SIX1: variants seen among roughly 807,000 people sequenced by gnomAD.
SIX1 encodes homeobox protein SIX1.
A neutral mutation model predicts 26.5 loss-of-function variants in SIX1; 11 were observed. That is an observed-to-expected ratio of 0.41 (90% CI 0.26 to 0.69). SIX1 has a LOEUF of 0.69. Among genes scored for constraint, SIX1 ranks in the 30% least tolerant of loss-of-function variants. The probability of loss-of-function intolerance (pLI) is 0.28; values close to 1 mark genes in which losing one functional copy is unlikely to be tolerated. For missense variants in SIX1, 333 were observed against 365.9 expected, an observed-to-expected ratio of 0.91 and a Z score of 0.73; for synonymous variants, 177 against 166.2, an observed-to-expected ratio of 1.06 and a Z score of -0.50.
rs1426774209 is a variant in SIX1 at position 60,648,142 on chromosome 14, CAA to C, written c.560+486_560+487del. Among the ~76,000 whole-genome samples, 2 of 152,336 alleles carry C rather than the reference CAA, an allele frequency of 1.3e-5. No individual in the cohort carries two copies. Among genetic ancestry groups the C allele is most frequent in the African/African-American group, 2.4e-5 (1 of 41,584 alleles). ...GGCTACCTCTAAACCAAAAGACTAT[CAA>C]GAGAGAGCTGTGGAGAACCAGGCGG... On this transcript the variant is annotated intron_variant, in intron 1 of 1. Transcript: ENST00000645694. The surrounding 1 kb of genome is among the most constrained non-coding windows in gnomAD (Gnocchi z 7.9).
chr14:60,645,141 T>G lies in SIX1; in HGVS notation c.*1142A>C, dbSNP rs1055876445. The G allele has an allele frequency of 1.3e-5, 2 of 151,964 alleles. No individual in the cohort carries two copies. Among genetic ancestry groups the G allele is most frequent in the Non-Finnish European group, 2.9e-5 (2 of 68,004 alleles). The allele number at this position is 151,964 out of a possible 1,614,324, so 9.4% of individuals were successfully genotyped here. ...ATCTAGTTACTACTCTTGGTTCAGA[T>G]GATGGCCTTCAAAGTACCCTGCAAT... On this transcript the variant is annotated 3_prime_UTR_variant, in exon 2 of 2. Coordinates refer to ENST00000645694, the MANE Select transcript of SIX1 (RefSeq NM_005982.4). The surrounding 1 kb of genome is among the most constrained non-coding windows in gnomAD (Gnocchi z 4.6).
In SIX1 at chr14:60,645,154, A is replaced by C. The variant is rs1428017819; in HGVS notation, c.*1129T>G. ...TCTTGGTTCAGATGATGGCCTTCAAAGTACCCTGCAATTCACAGCCACCAT... is the reference window on the plus strand; with the variant it reads ...TCTTGGTTCAGATGATGGCCTTCAACGTACCCTGCAATTCACAGCCACCAT... On this transcript the variant is annotated 3_prime_UTR_variant, in exon 2 of 2. Coordinates refer to ENST00000645694, the MANE Select transcript of SIX1 (RefSeq NM_005982.4). The surrounding 1 kb of genome is among the most constrained non-coding windows in gnomAD (Gnocchi z 4.6). 6.6e-6 allele frequency: 1 copy of C among 152,124 alleles called. No individual in the cohort carries two copies. Among genetic ancestry groups the C allele is most frequent in the Non-Finnish European group, 1.5e-5 (1 of 68,020 alleles). The allele number at this position is 152,124 out of a possible 1,614,324, so 9.4% of individuals were successfully genotyped here.
Position 60,648,608 on chromosome 14 carries a change from T to C in SIX1, c.560+22A>G, listed in dbSNP as rs1205986467. On this transcript the variant is annotated intron_variant, in intron 1 of 1. Coordinates refer to ENST00000645694, the MANE Select transcript of SIX1 (RefSeq NM_005982.4). The surrounding 1 kb of genome is among the most constrained non-coding windows in gnomAD (Gnocchi z 7.9). The stretch of plus-strand genomic sequence containing the variant: ...GGACGGCTTCCTAGGGTCGCCCGAG[T>C]CGCGGGAAGCACGCCGCGTACCTTT... 6.3e-7 allele frequency: 1 copy of C among 1,597,198 alleles called. No individual in the cohort carries two copies. Among genetic ancestry groups the C allele is most frequent in the Admixed American group, 1.7e-5 (1 of 57,356 alleles).
Position 60,648,530 on chromosome 14 carries a change from G to A in SIX1, c.560+100C>T. ...GCCCCGTGGACGGGCTCCGGCCGGC[G>A]GGGAGGACTTGGTGGCTGGTGCCTG... is the stretch of plus-strand genomic sequence containing the variant. On this transcript the variant is annotated intron_variant, in intron 1 of 1. Coordinates refer to ENST00000645694, the MANE Select transcript of SIX1 (RefSeq NM_005982.4). This position sits in a 1 kb window ranked among gnomAD's most constrained non-coding sequence, Gnocchi z 7.9. The A allele has an allele frequency of 8.1e-7, 1 of 1,237,664 alleles. No homozygotes were observed. The highest frequency in any genetic ancestry group is 1.1e-6 in the Non-Finnish European group (1 of 877,762). The allele number at this position is 1,237,664 out of a possible 1,614,324, so 76.7% of individuals were successfully genotyped here.
rs1220366295 is a variant in SIX1, at chr14:60,648,492, G to A, written c.560+138C>T. 8 of 759,078 alleles carry A rather than the reference G, an allele frequency of 1.1e-5. No homozygotes were observed. Among genetic ancestry groups the A allele is most frequent in the Admixed American group, 2.6e-5 (1 of 37,904 alleles). The allele number at this position is 759,078 out of a possible 1,614,324, so 47.0% of individuals were successfully genotyped here. On this transcript the variant is annotated intron_variant, in intron 1 of 1. Coordinates refer to ENST00000645694, the MANE Select transcript of SIX1 (RefSeq NM_005982.4). This position sits in a 1 kb window ranked among gnomAD's most constrained non-coding sequence, Gnocchi z 7.9. Reference sequence around the variant, plus strand: ...TGAACTTTCGCTGCAGCGCCGCGGAGGGCCTGCGCGCCGCCCCGTGGACGG... The same window carrying A: ...TGAACTTTCGCTGCAGCGCCGCGGAAGGCCTGCGCGCCGCCCCGTGGACGG...
Position 60,647,436 on chromosome 14 carries a change from G to T in SIX1, c.561-859C>A, listed in dbSNP as rs1894968085. Among the ~76,000 whole-genome samples the T allele has an allele frequency of 6.6e-6, 1 of 152,150 alleles. No individual in the cohort carries two copies. Among genetic ancestry groups the T allele is most frequent in the Non-Finnish European group, 1.5e-5 (1 of 68,012 alleles). ...GCGCGGCGCGCTGGGGCGTCAGTCC[G>T]GGCACTCGGTACCGGTTAACTTCAG... On this transcript the variant is annotated intron_variant, in intron 1 of 1. Coordinates refer to ENST00000645694, the MANE Select transcript of SIX1 (RefSeq NM_005982.4). This position sits in a 1 kb window ranked among gnomAD's most constrained non-coding sequence, Gnocchi z 5.1.
In SIX1 at chr14:60,648,244, C is replaced by T. The variant is rs1894986005; in HGVS notation, c.560+386G>A. Among the ~76,000 whole-genome samples, 1 of 152,140 alleles carries T rather than the reference C, an allele frequency of 6.6e-6. No homozygotes were observed. Among genetic ancestry groups the T allele is most frequent in the Non-Finnish European group, 1.5e-5 (1 of 68,028 alleles). The stretch of plus-strand genomic sequence containing the variant: ...CAAGAGGAGAGAGGTTCGCGAACCT[C>T]AGCTCCCACCAAACCCCTTTCCTTG... On this transcript the variant is annotated intron_variant, in intron 1 of 1. Coordinates refer to ENST00000645694, the MANE Select transcript of SIX1 (RefSeq NM_005982.4). The surrounding 1 kb of genome is among the most constrained non-coding windows in gnomAD (Gnocchi z 7.9).
rs997021988 is a variant in SIX1 at position 60,645,096 on chromosome 14, CTCTT to C, written c.*1183_*1186del. The C allele has an allele frequency of 2.0e-5, 3 of 152,112 alleles. No homozygotes were observed. Among genetic ancestry groups the C allele is most frequent in the South Asian group, 2.1e-4 (1 of 4,828 alleles). The allele number at this position is 152,112 out of a possible 1,614,324, so 9.4% of individuals were successfully genotyped here. A position where few individuals can be genotyped will look rare whatever the true frequency, so the allele number is the denominator to read the frequency against. On this transcript the variant is annotated 3_prime_UTR_variant, in exon 2 of 2. Transcript: ENST00000645694. The surrounding 1 kb of genome is among the most constrained non-coding windows in gnomAD (Gnocchi z 4.6). ...AATAAATACCCCAAGGCTAAATTCACTCTTTCTGTCATATAATTAATCTAGTTAC... is the reference window on the plus strand; with the variant it reads ...AATAAATACCCCAAGGCTAAATTCACTCTGTCATATAATTAATCTAGTTAC...
chr14:60,648,571 G>C lies in SIX1; in HGVS notation c.560+59C>G. 6.6e-7 allele frequency: 1 copy of C among 1,511,572 alleles called. No individual in the cohort carries two copies. The allele number at this position is 1,511,572 out of a possible 1,614,324, so 93.6% of individuals were successfully genotyped here. ...CTGGTGCCTGCGGGGGCGGGAGGGG[G>C]CGGAGGAGAAAGGACGGCTTCCTAG... On this transcript the variant is annotated intron_variant, in intron 1 of 1. Transcript: ENST00000645694. The surrounding 1 kb of genome is among the most constrained non-coding windows in gnomAD (Gnocchi z 7.9).
In SIX1 at chr14:60,644,805, C is replaced by T. The variant is rs146967331; in HGVS notation, c.*1478G>A. ...TGCCCCAGGCAAAAATAATATGGAG[C>T]CTACATGATTACTGGGATTTTTCTA... On this transcript the variant is annotated 3_prime_UTR_variant, in exon 2 of 2. Transcript: ENST00000645694. 1 of 152,126 alleles carries T rather than the reference C, an allele frequency of 6.6e-6. No homozygotes were observed. The highest frequency in any genetic ancestry group is 1.5e-5 in the Non-Finnish European group (1 of 68,024). The allele number at this position is 152,126 out of a possible 1,614,324, so 9.4% of individuals were successfully genotyped here. A position where few individuals can be genotyped will look rare whatever the true frequency, so the allele number is the denominator to read the frequency against.
In SIX1 at chr14:60,647,288, C is replaced by G. The variant is rs781205989; in HGVS notation, c.561-711G>C. Among the ~76,000 whole-genome samples the G allele has an allele frequency of 3.3e-5, 5 of 152,236 alleles. No individual in the cohort carries two copies. Among genetic ancestry groups the G allele is most frequent in the Non-Finnish European group, 7.3e-5 (5 of 68,044 alleles). ...TAACTGCAACCATACAATCCCTGTT[C>G]CTGTGTTACTTGCTAACTCTTCAGC... On this transcript the variant is annotated intron_variant, in intron 1 of 1. Coordinates refer to ENST00000645694, the MANE Select transcript of SIX1 (RefSeq NM_005982.4). The surrounding 1 kb of genome is among the most constrained non-coding windows in gnomAD (Gnocchi z 5.1).
At position 60,648,556 on chromosome 14, in the gene SIX1, CG is replaced by C. The variant is rs1894994901; in HGVS notation, c.560+73del. On this transcript the variant is annotated intron_variant, in intron 1 of 1. Coordinates refer to ENST00000645694, the MANE Select transcript of SIX1 (RefSeq NM_005982.4). The surrounding 1 kb of genome is among the most constrained non-coding windows in gnomAD (Gnocchi z 7.9). ...GGGAGGACTTGGTGGCTGGTGCCTG[CG>C]GGGGCGGGAGGGGGCGGAGGAGAAA... The C allele has an allele frequency of 4.1e-6, 6 of 1,452,392 alleles. No homozygotes were observed. In the East Asian group the frequency reaches 1.2e-4, roughly 30 times the overall value. 90.0% of individuals were successfully genotyped at this position (1,452,392 alleles called of 1,614,324 possible).
At position 60,646,098 on chromosome 14, in the gene SIX1, A is replaced by T; in HGVS notation, c.*185T>A. 1.7e-6 allele frequency: 1 copy of T among 584,844 alleles called. No homozygotes were observed. Among genetic ancestry groups the T allele is most frequent in the South Asian group, 2.4e-5 (1 of 41,666 alleles). 36.2% of individuals were successfully genotyped at this position (584,844 alleles called of 1,614,324 possible). On this transcript the variant is annotated 3_prime_UTR_variant, in exon 2 of 2. Transcript: ENST00000645694. ...AAAGAGTTGGAGAGAAGAGGAGATTAAGCTTGAGATCGCTGTTGGTTTTGA... is the reference window on the plus strand; with the variant it reads ...AAAGAGTTGGAGAGAAGAGGAGATTTAGCTTGAGATCGCTGTTGGTTTTGA...
rs2140241265 is a variant in SIX1, at chr14:60,648,912, A to C, written c.278T>G (p.Val93Gly). The C allele has an allele frequency of 1.2e-6, 2 of 1,614,124 alleles. No individual in the cohort carries two copies. Among genetic ancestry groups the C allele is most frequent in the Non-Finnish European group, 1.7e-6 (2 of 1,180,016 alleles). The change falls in exon 1 of 2, where the codon GTG becomes GGG. Residue 93 changes from valine to glycine, a missense_variant. Val to Gly is a moderately radical substitution (Grantham distance 109). Coordinates refer to ENST00000645694, the MANE Select transcript of SIX1 (RefSeq NM_005982.4). The surrounding 1 kb of genome is among the most constrained non-coding windows in gnomAD (Gnocchi z 7.9). The stretch of plus-strand genomic sequence containing the variant: ...TCGGCCGCGCAGCTTCTCGGCCTCC[A>C]CGTAATGCGCCTTCAGCCACAGTTG... ...LQQLWLKAHY[V>G]EAEKLRGRPL... is the part of the protein sequence containing the mutation.
chr14:60,648,550 TGCCTGCGGGG>T lies in SIX1; in HGVS notation c.560+70_560+79del. 7.1e-7 allele frequency: 1 copy of T among 1,417,354 alleles called. No individual in the cohort carries two copies. The highest frequency in any genetic ancestry group is 1.2e-5 in the South Asian group (1 of 80,482). 87.8% of individuals were successfully genotyped at this position (1,417,354 alleles called of 1,614,324 possible). ...CCGGCGGGGAGGACTTGGTGGCTGG[TGCCTGCGGGG>T]GCGGGAGGGGGCGGAGGAGAAAGGA... is the stretch of plus-strand genomic sequence containing the variant. On this transcript the variant is annotated intron_variant, in intron 1 of 1. Coordinates refer to ENST00000645694, the MANE Select transcript of SIX1 (RefSeq NM_005982.4). The surrounding 1 kb of genome is among the most constrained non-coding windows in gnomAD (Gnocchi z 7.9).
chr14:60,649,180 G>T lies in SIX1; in HGVS notation c.10C>A (p.Leu4Met). Residue 4 changes from leucine to methionine, a missense_variant, in exon 1 of 2, where the codon CTG becomes ATG. Around this residue, in one of 3 missense-constraint regions of SIX1, gnomAD observed 133 missense variants for 131.8 expected, o/e 1.01. Transcript: ENST00000645694. This position sits in a 1 kb window ranked among gnomAD's most constrained non-coding sequence, Gnocchi z 5.1. The stretch of plus-strand genomic sequence containing the variant: ...TCCTGCGTAAAGCCAAACGACGGCA[G>T]CATCGACATGGCTGGGGCCTGCCGG... MSM[L>M]PSFGFTQEQV... The T allele has an allele frequency of 6.2e-7, 1 of 1,608,454 alleles. No homozygotes were observed. Among genetic ancestry groups the T allele is most frequent in the Non-Finnish European group, 8.5e-7 (1 of 1,179,874 alleles).
Position 60,649,253 on chromosome 14 carries a change from G to T in SIX1, c.-64C>A. The T allele has an allele frequency of 6.7e-7, 1 of 1,500,742 alleles. No individual in the cohort carries two copies. The allele number at this position is 1,500,742 out of a possible 1,614,324, so 93.0% of individuals were successfully genotyped here. ...GGCAGGGAGCAGAGCCGAGAGGCAG[G>T]GGGCGGCGGCCGCAGGGAGGGGGGC... On this transcript the variant is annotated 5_prime_UTR_variant, in exon 1 of 2. Transcript: ENST00000645694. The surrounding 1 kb of genome is among the most constrained non-coding windows in gnomAD (Gnocchi z 5.1).
At chr14:60,646,670 T>G in intron 1 of SIX1, 93 bp from the exon 2 acceptor site, 22 of 1,041,204 alleles carry the variant, frequency 2.1e-5, no homozygotes, top group Non-Finnish European at 2.9e-5. Flanking sequence ...GGAGGGGAGC[T>G]GGAAGGAGGA....
In SIX1 at chr14:60,648,841, G is replaced by A. The variant is rs1356590700; in HGVS notation, c.349C>T (p.Leu117=). ...GKYRVRRKFP[L]PRTIWDGEET... is the part of the protein sequence containing the mutation. ...TCGCCGTCCCAGATGGTGCGCGGCA[G>A]TGGAAATTTTCGGCGCACCCGATAT... Residue 117 remains leucine (L), a synonymous_variant, in exon 1 of 2, where the codon CTG becomes TTG. Transcript: ENST00000645694. The surrounding 1 kb of genome is among the most constrained non-coding windows in gnomAD (Gnocchi z 7.9). The A allele has an allele frequency of 5.6e-6, 9 of 1,614,130 alleles. No individual in the cohort carries two copies. The highest frequency in any genetic ancestry group is 7.6e-6 in the Non-Finnish European group (9 of 1,180,058).
Sources: allele counts gnomAD v4.1 joint callset (sites outside exome capture counted in the v4.1 genomes callset), GRCh38; gene constraint gnomAD v4.1.1; regional missense constraint gnomAD v4.1.1; non-coding constraint Gnocchi (gnomAD v3.1); transcripts MANE v1.5; gene names NCBI Gene and HGNC (gene_info 2026-07-23, HGNC 2026-07-21).